SLC5A4: variants seen among roughly 807,000 people sequenced by gnomAD.
The protein encoded by SLC5A4 is probable glucose sensor protein SLC5A4.
SLC5A4 carries 55 observed loss-of-function variants against 70.3 expected under a neutral mutation model. That is an observed-to-expected ratio of 0.78 (90% confidence interval 0.63 to 0.98). The LOEUF is 0.98. Among genes scored for constraint, SLC5A4 ranks in the 50% least tolerant of loss-of-function variants. The pLI is 0.00. For missense variants in SLC5A4, 735 were observed against 839.2 expected (o/e 0.88, Z 1.53); for synonymous variants, 268 against 305.7 (o/e 0.88, Z 1.29).
intron 5 of SLC5A4, among the ~76,000 whole-genome samples, chr22:32,239,518 TTATATATA>T (rs1173210993): frequency 9.5e-4 from 24 of 25,208 alleles, no homozygotes; most frequent in African/African-American, 1.7e-3. Context: ...GGAGTGCATA[TTATATATA>T]TATATATATA....
chr22:32,307,005 A>C, the SLC5A4 span, among the ~76,000 whole-genome samples: 1 of 152,140 alleles, frequency 6.6e-6, no homozygotes, highest in African/African-American at 2.4e-5. Context: ...GGCGCTGACC[A>C]ATGTGGAATC....
At chr22:32,266,389 C>G in the SLC5A4 span, among the ~76,000 whole-genome samples, 1 of 152,082 alleles carries the variant, frequency 6.6e-6, no homozygotes, top group African/African-American at 2.4e-5. Context: ...TGAGAGAAAA[C>G]CCTAGGTAGT....
chr22:32,277,001 G>T, the SLC5A4 span: 1 of 152,026 alleles, frequency 6.6e-6, no homozygotes, highest in Non-Finnish European at 1.5e-5. Context: ...TCAAACTGAT[G>T]ATTTAAAATA....
At chr22:32,286,674 T>C in the SLC5A4 span, among the ~76,000 whole-genome samples, 1 of 152,230 alleles carries the variant, frequency 6.6e-6, no homozygotes, top group African/African-American at 2.4e-5. Context: ...CATGGCAGTC[T>C]GTACTATTAA....
rs758087783 is a variant in SLC5A4, at chr22:32,233,018, C to G, written c.902G>C (p.Cys301Ser). Residue 301 changes from cysteine (C) to serine (S), a missense_variant, in exon 9 of 15, where the codon TGC (cysteine) becomes TCC (serine). Coordinates refer to ENST00000266086, the MANE Select transcript of SLC5A4 (RefSeq NM_014227.3). ...GTGAGACATGTCCTTGCCACACAGGCAGCGCTGCACAATGACCTGCCGGGA... is the reference window on the plus strand; with the variant it reads ...GTGAGACATGTCCTTGCCACACAGGGAGCGCTGCACAATGACCTGCCGGGA... ...WCTNQVIVQRCLCGKDMSHVK... is the reference protein window; with the variant it reads ...WCTNQVIVQRSLCGKDMSHVK... 6.2e-7 allele frequency: 1 copy of G among 1,613,658 alleles called. No homozygotes were observed. Among genetic ancestry groups the G allele is most frequent in the Non-Finnish European group, 8.5e-7 (1 of 1,179,806 alleles).
chr22:32,335,779 C>A, the SLC5A4 span, among the ~76,000 whole-genome samples: 1 of 148,400 alleles, frequency 6.7e-6, no homozygotes, highest in Non-Finnish European at 1.5e-5. Flanking sequence ...GAGCTCACGG[C>A]TGAAGGGGTC....
chr22:32,260,941 C>T, the SLC5A4 span, among the ~76,000 whole-genome samples: 10 of 152,012 alleles, frequency 6.6e-5, no homozygotes, highest in South Asian at 2.1e-4. Flanking sequence ...GGTGTGATGG[C>T]GGGCTCCTGT....
intron 13 of SLC5A4, 65 bp from the exon 14 acceptor site, chr22:32,221,087 G>A (rs1925053320): frequency 1.9e-6 from 2 of 1,033,830 alleles, no homozygotes; most frequent in Non-Finnish European, 1.5e-6. Flanking sequence ...ATAATAGAAT[G>A]GTACCTTTGT....
the SLC5A4 span, among the ~76,000 whole-genome samples, chr22:32,348,806 A>G: frequency 2.6e-5 from 4 of 152,184 alleles, no homozygotes; most frequent in Admixed American, 2.6e-4. Flanking sequence ...TTCTGTTTTA[A>G]TATTTAATTT....
chr22:32,315,522 G>GA, the SLC5A4 span, among the ~76,000 whole-genome samples: 65 of 152,186 alleles, frequency 4.3e-4, no homozygotes, highest in African/African-American at 1.5e-3. Context: ...ACAGTAGGGA[G>GA]AAAATAAGCG....
chr22:32,326,349 C>T, the SLC5A4 span, among the ~76,000 whole-genome samples: 12 of 151,758 alleles, frequency 7.9e-5, no homozygotes, highest in East Asian at 7.8e-4. Flanking sequence ...CTCTGCCACC[C>T]GAGTTCAAGC....
chr22:32,279,075 G>A, the SLC5A4 span, among the ~76,000 whole-genome samples: 1 of 151,956 alleles, frequency 6.6e-6, no homozygotes, highest in Admixed American at 6.5e-5. Flanking sequence ...AGGAGATGGA[G>A]ACCATCCTGG....
At chr22:32,293,225 A>C in the SLC5A4 span, among the ~76,000 whole-genome samples, 1 of 152,110 alleles carries the variant, frequency 6.6e-6, no homozygotes, top group Non-Finnish European at 1.5e-5. Flanking sequence ...GGTTTTTAAA[A>C]AATCCTATCT....
chr22:32,309,654 T>TAC, the SLC5A4 span, among the ~76,000 whole-genome samples: 21 of 151,994 alleles, frequency 1.4e-4, no homozygotes, highest in South Asian at 6.3e-4. Context: ...GGGGATTGAA[T>TAC]ACACACACAC....
At chr22:32,339,482 C>T in the SLC5A4 span, among the ~76,000 whole-genome samples, 122 of 152,270 alleles carry the variant, frequency 8.0e-4, no homozygotes, top group African/African-American at 2.6e-3. Flanking sequence ...CACCCCTCTG[C>T]GGGTTTGCTA....
the SLC5A4 span, among the ~76,000 whole-genome samples, chr22:32,317,745 C>T: frequency 6.6e-6 from 1 of 152,184 alleles, no homozygotes; most frequent in South Asian, 2.1e-4. Flanking sequence ...GAATTACAGG[C>T]AAGAGCCACC....
At chr22:32,352,436 G>A in the SLC5A4 span, among the ~76,000 whole-genome samples, 49 of 150,944 alleles carry the variant, frequency 3.2e-4, no homozygotes, top group Admixed American at 9.9e-4. Flanking sequence ...AGACTACCCT[G>A]ACAAAAAACC....
At chr22:32,222,837 AAATTCAAAC>A (rs570786643) in intron 13 of SLC5A4, among the ~76,000 whole-genome samples, 108 of 152,344 alleles carry the variant, frequency 7.1e-4, no homozygotes, top group Non-Finnish European at 1.3e-3. Context: ...GTTTAGTCAT[AAATTCAAAC>A]AATTCAAACA....
the SLC5A4 span, among the ~76,000 whole-genome samples, chr22:32,334,198 A>G: frequency 2.0e-5 from 3 of 152,062 alleles, no homozygotes; most frequent in African/African-American, 7.2e-5. Flanking sequence ...CATGCCACAC[A>G]GACTCCTGCT....
Sources: gnomAD v4.1 joint callset for allele counts (sites outside exome capture counted in the v4.1 genomes callset) on GRCh38, gnomAD v4.1.1 for gene constraint, MANE v1.5 for transcripts, NCBI Gene and HGNC (gene_info 2026-07-23, HGNC 2026-07-21) for gene names.